Variants in FBXO31 observed in about 807,000 individuals in gnomAD.
FBXO31 encodes the protein F-box protein 31, also known as F-box only protein 31.
A neutral mutation model predicts 54.4 loss-of-function variants in FBXO31; 24 were observed. That is an observed-to-expected ratio of 0.44 (90% CI 0.32 to 0.62). FBXO31 has a LOEUF of 0.62. Ranked by LOEUF, FBXO31 falls within the 20% of genes least tolerant of loss-of-function variation. The probability of loss-of-function intolerance (pLI) is 0.05; values close to 1 mark genes in which losing one functional copy is unlikely to be tolerated. For missense variants in FBXO31, 665 were observed against 787.1 expected (o/e 0.84, Z 1.86); for synonymous variants, 388 against 335.6 (o/e 1.16, Z -1.71).
intron 1 of FBXO31, among the ~76,000 whole-genome samples, chr16:87,380,022 T>G (rs907877576): frequency 4.5e-5 from 6 of 132,504 alleles, no homozygotes; most frequent in Admixed American, 1.6e-4. Flanking sequence ...AAAAAAGGCC[T>G]GCCGCGGTGG....
At chr16:87,369,009 G>C (rs987203196) in intron 1 of FBXO31, among the ~76,000 whole-genome samples, 4 of 151,924 alleles carry the variant, frequency 2.6e-5, no homozygotes, top group South Asian at 2.1e-4. Flanking sequence ...GCCATGTCTC[G>C]AACTCCTGAC....
rs1905394788 is a variant in FBXO31, at chr16:87,346,543, A to G, written c.489+631T>C. 2.0e-5 allele frequency among the ~76,000 whole-genome samples: 3 copies of G among 152,338 alleles called. No individual in the cohort carries two copies. In the South Asian group the frequency reaches 6.2e-4, roughly 32 times the overall value. On this transcript the variant is annotated intron_variant, in intron 3 of 8. Coordinates refer to ENST00000311635, the MANE Select transcript of FBXO31 (RefSeq NM_024735.5). This position sits in a 1 kb window ranked among gnomAD's most constrained non-coding sequence, Gnocchi z 4.2. ...ATGGCAGACCCAACGAACAGGAAAG[A>G]AATGTCCTCACGGGTCCTCAGACCC... is the stretch of plus-strand genomic sequence containing the variant.
intron 1 of FBXO31, among the ~76,000 whole-genome samples, chr16:87,378,712 A>C (rs1906938069): frequency 6.6e-6 from 1 of 152,238 alleles, no homozygotes; most frequent in South Asian, 2.1e-4. Context: ...CTGTAATCCC[A>C]GCACTTTGGG....
upstream of FBXO31, among the ~76,000 whole-genome samples, chr16:87,387,957 A>G (rs1326329792): frequency 6.6e-6 from 1 of 152,262 alleles, no homozygotes; most frequent in Admixed American, 6.5e-5. Flanking sequence ...TTTGAACAAG[A>G]GGATTGCAGT....
In FBXO31 at chr16:87,333,948, C is replaced by A; in HGVS notation, c.1335G>T (p.Pro445=). ...EQPAQCGQGQ[P]FVLPVGVSSR... ...AGCTCACGCCCACGGGCAGCACGAA[C>A]GGCTGCCCCTGCCCACACTGGGCAG... Residue 445 remains proline, a synonymous_variant, in exon 8 of 9, where the codon CCG becomes CCT. Transcript: ENST00000311635. 1 of 1,612,220 alleles carries A rather than the reference C, an allele frequency of 6.2e-7. No individual in the cohort carries two copies. The highest frequency in any genetic ancestry group is 8.5e-7 in the Non-Finnish European group (1 of 1,179,502).
chr16:87,349,979 G>A (rs576441749), intron 2 of FBXO31, among the ~76,000 whole-genome samples: 1 of 152,040 alleles, frequency 6.6e-6, no homozygotes, highest in Admixed American at 6.5e-5. Context: ...TTTAGAAAAA[G>A]GAAACCTAAA....
Position 87,360,307 on chromosome 16 carries a change from C to A in FBXO31, c.400G>T (p.Val134Phe). The A allele has an allele frequency of 6.2e-7, 1 of 1,614,134 alleles. No homozygotes were observed. The highest frequency in any genetic ancestry group is 1.1e-5 in the South Asian group (1 of 91,086). The change falls in exon 2 of 9, where the codon GTC becomes TTC. Residue 134 changes from valine to phenylalanine, a missense_variant. Val to Phe is a conservative substitution (Grantham distance 50). Around this residue, in one of 4 missense-constraint regions of FBXO31, gnomAD observed 234 missense variants for 346.8 expected, o/e 0.67. Transcript: ENST00000311635. ...LEITGVSCRD[V>F]YAKLLHRYRH... The stretch of plus-strand genomic sequence containing the variant: ...TAGATTCACTCACGCTTCGCATAGA[C>A]GTCCCGACAAGACACGCCTGTGATC...
intron 1 of FBXO31, among the ~76,000 whole-genome samples, chr16:87,381,660 A>G (rs1907083640): frequency 6.6e-6 from 1 of 152,334 alleles, no homozygotes; most frequent in African/African-American, 2.4e-5. Context: ...TGCAAACTCA[A>G]AGAGCCCGAC....
chr16:87,369,737 G>A (rs1038966408), intron 1 of FBXO31, among the ~76,000 whole-genome samples: 1 of 152,110 alleles, frequency 6.6e-6, no homozygotes, highest in Non-Finnish European at 1.5e-5. Flanking sequence ...AAATTTTTTA[G>A]GAACTACAAT....
At chr16:87,381,120 A>T (rs1314011983) in intron 1 of FBXO31, among the ~76,000 whole-genome samples, 1 of 152,184 alleles carries the variant, frequency 6.6e-6, no homozygotes, top group Non-Finnish European at 1.5e-5. Context: ...TAGACTTCAC[A>T]GGGAAAGAGA....
intron 2 of FBXO31, among the ~76,000 whole-genome samples, chr16:87,349,403 T>C (rs527408883): frequency 1.0e-3 from 155 of 152,274 alleles, no homozygotes; most frequent in Non-Finnish European, 1.5e-3. Context: ...GAACAAAATG[T>C]CATGGGCCTG....
intron 4 of FBXO31, among the ~76,000 whole-genome samples, chr16:87,343,259 T>C (rs887340593): frequency 1.3e-5 from 2 of 152,222 alleles, no homozygotes; most frequent in Non-Finnish European, 2.9e-5. Context: ...GTGCTCACCG[T>C]GGGGGCCACT....
intron 3 of FBXO31, among the ~76,000 whole-genome samples, 196 bp from the exon 4 acceptor site, chr16:87,343,961 G>A (rs1020609788): frequency 2.0e-5 from 3 of 152,260 alleles, no homozygotes; most frequent in Middle Eastern, 3.2e-3. Context: ...ACACCAGGAG[G>A]AGGCAGAATA....
intron 1 of FBXO31, among the ~76,000 whole-genome samples, chr16:87,382,216 T>G (rs1907108432): frequency 1.3e-5 from 2 of 152,238 alleles, no homozygotes; most frequent in Non-Finnish European, 2.9e-5. Context: ...AGTGAAATAC[T>G]ATGTAGCATT....
At chr16:87,348,799 A>G (rs948953223) in intron 2 of FBXO31, among the ~76,000 whole-genome samples, 3 of 152,240 alleles carry the variant, frequency 2.0e-5, no homozygotes, top group Admixed American at 6.5e-5. Flanking sequence ...AGGCAGGACC[A>G]GCGCAGGGTG....
rs566257089 is a variant in FBXO31, at chr16:87,341,421, C to T, written c.732+1456G>A. Among the ~76,000 whole-genome samples the T allele has an allele frequency of 3.9e-5, 6 of 152,166 alleles. No homozygotes were observed. The East Asian group carries it at 7.7e-4, about 20-fold the overall frequency. On this transcript the variant is annotated intron_variant, in intron 5 of 8. Coordinates refer to ENST00000311635, the MANE Select transcript of FBXO31 (RefSeq NM_024735.5). ...CTGTAATCCCGGCACTTTGGGAGGC[C>T]GAGATGGGTGGATCGCCTGAGGTCA...
intron 5 of FBXO31, among the ~76,000 whole-genome samples, chr16:87,341,463 C>T (rs1905191313): frequency 6.6e-6 from 1 of 151,996 alleles, no homozygotes; most frequent in African/African-American, 2.4e-5. Context: ...CGAGACCAGC[C>T]TGGCCAACAT....
At chr16:87,347,646 C>A (rs1336703816) in intron 2 of FBXO31, among the ~76,000 whole-genome samples, 1 of 147,768 alleles carries the variant, frequency 6.8e-6, no homozygotes, top group Non-Finnish European at 1.5e-5. Flanking sequence ...CACAACTGCA[C>A]TCCAGCCCGG....
In FBXO31 at chr16:87,383,499, C is replaced by G. The variant is rs745911504; in HGVS notation, c.246G>C (p.Leu82=). The change falls in exon 1 of 9, where the codon CTG becomes CTC. Residue 82 remains leucine, a synonymous_variant. Transcript: ENST00000311635. The surrounding 1 kb of genome is among the most constrained non-coding windows in gnomAD (Gnocchi z 4.9). ...CCAAGCTGGGTAGGTCCGTGCCCGG[C>G]AGCGACGCGAAGATCTCCACCAGCA... ...PELLVEIFAS[L]PGTDLPSLAQ... The G allele has an allele frequency of 6.9e-6, 11 of 1,587,530 alleles. No homozygotes were observed. The highest frequency in any genetic ancestry group is 8.5e-6 in the Non-Finnish European group (10 of 1,170,682).
Sources: gnomAD v4.1 joint callset for allele counts (sites outside exome capture counted in the v4.1 genomes callset) on GRCh38, gnomAD v4.1.1 for gene constraint, gnomAD v4.1.1 regional missense constraint, Gnocchi (gnomAD v3.1) non-coding constraint, MANE v1.5 for transcripts, NCBI Gene and HGNC (gene_info 2026-07-23, HGNC 2026-07-21) for gene names.